ZNF618: variants seen among roughly 807,000 people sequenced by gnomAD.
The protein encoded by ZNF618 is neural precursor cell expressed, developmentally down-regulated 10.
A neutral mutation model predicts 103.0 loss-of-function variants in ZNF618; 34 were observed. The ratio of observed to expected loss-of-function variants is 0.33; its 90% CI spans 0.25 to 0.44. The LOEUF is 0.44. Among genes scored for constraint, ZNF618 ranks in the 20% least tolerant of loss-of-function variants. ZNF618 has a pLI of 1.00. For synonymous variants in ZNF618, 551 were observed against 542.2 expected, an observed-to-expected ratio of 1.02 and a Z score of -0.23; for missense variants, 1,059 against 1,295.4, an observed-to-expected ratio of 0.82 and a Z score of 2.80.
intron 2 of ZNF618, among the ~76,000 whole-genome samples, chr9:113,971,637 C>G (rs1837976595): frequency 6.6e-6 from 1 of 152,176 alleles, no homozygotes; most frequent in South Asian, 2.1e-4. Context: ...ATGCATGAAT[C>G]TCTCCTACAC....
At chr9:113,976,300 G>A (rs1372077128) in intron 2 of ZNF618, among the ~76,000 whole-genome samples, 2 of 152,180 alleles carry the variant, frequency 1.3e-5, no homozygotes, top group Admixed American at 1.3e-4. Flanking sequence ...AAGTAAGAAA[G>A]TTCTTCTTGT....
At chr9:113,877,342 G>T (rs934926248) in intron 1 of ZNF618, among the ~76,000 whole-genome samples, 1 of 152,066 alleles carries the variant, frequency 6.6e-6, no homozygotes, top group Non-Finnish European at 1.5e-5. Flanking sequence ...TGAGAGAATT[G>T]GCTTTATGAA....
intron 1 of ZNF618, among the ~76,000 whole-genome samples, chr9:113,881,636 G>A (rs1262377489): frequency 6.6e-6 from 1 of 152,142 alleles, no homozygotes; most frequent in Non-Finnish European, 1.5e-5. Flanking sequence ...GTGGCTGGTG[G>A]CTACTATATT....
chr9:114,054,939 C>A lies in ZNF618; in HGVS notation c.*4772C>A, dbSNP rs1207496127. 1.5e-5 allele frequency: 2 copies of A among 136,778 alleles called. No individual in the cohort carries two copies. The highest frequency in any genetic ancestry group is 3.2e-5 in the Non-Finnish European group (2 of 63,066). The allele number at this position is 136,778 out of a possible 1,614,324, so 8.5% of individuals were successfully genotyped here. A position where few individuals can be genotyped will look rare whatever the true frequency, so the allele number is the denominator to read the frequency against. ...ATATTCATGCCCCGTCCCTTCCCCC[C>A]CCACCCCCCCGCCCACCCACCACGG... On this transcript the variant is annotated 3_prime_UTR_variant, in exon 15 of 15. Coordinates refer to ENST00000374126, the MANE Select transcript of ZNF618 (RefSeq NM_001318042.2).
intron 13 of ZNF618, among the ~76,000 whole-genome samples, chr9:114,045,693 C>G (rs1845594261): frequency 2.6e-5 from 4 of 152,056 alleles, no homozygotes; most frequent in Admixed American, 2.6e-4. Flanking sequence ...TTTGGCTATT[C>G]TGTATCTCTT....
rs1003160084 is a variant in ZNF618, at chr9:113,890,290, C to T, written c.33+13877C>T. Among the ~76,000 whole-genome samples the T allele has an allele frequency of 4.7e-4, 71 of 152,088 alleles. 1 individual carries two copies. Among genetic ancestry groups the T allele is most frequent in the African/African-American group, 1.3e-3 (55 of 41,414 alleles). On this transcript the variant is annotated intron_variant, in intron 1 of 14. Transcript: ENST00000374126. The stretch of plus-strand genomic sequence containing the variant: ...AAATCACCTGAAATGCCGAGATAAC[C>T]GCCCTTCACATTTTGATGAGCATTA...
At position 114,007,219 on chromosome 9, in the gene ZNF618, G is replaced by C. The variant is rs1841831333; in HGVS notation, c.551-131G>C. 3 of 717,394 alleles carry C rather than the reference G, an allele frequency of 4.2e-6. No individual in the cohort carries two copies. In the Admixed American group the frequency reaches 7.9e-5, roughly 19 times the overall value. The allele number at this position is 717,394 out of a possible 1,614,324, so 44.4% of individuals were successfully genotyped here. A position where few individuals can be genotyped will look rare whatever the true frequency, so the allele number is the denominator to read the frequency against. ...CAGTTTCCTCATGTGTAAAATGAGAGACTGCTTCCTCCCTCCGCTAGCCAG... is the reference window on the plus strand; with the variant it reads ...CAGTTTCCTCATGTGTAAAATGAGACACTGCTTCCTCCCTCCGCTAGCCAG... On this transcript the variant is annotated intron_variant, in intron 6 of 14. Transcript: ENST00000374126.
rs372714690 is a variant in ZNF618, at chr9:113,886,487, A to AT, written c.33+10084dup. 9.0e-3 allele frequency among the ~76,000 whole-genome samples: 1,355 copies of AT among 151,178 alleles called. 23 individuals carry two copies. Among genetic ancestry groups the AT allele is most frequent in the African/African-American group, 0.031 (1,280 of 41,258 alleles). Reference sequence around the variant, plus strand: ...CGAAGACATTTTTGGATGTTGGGGAATTTTTTTTTTCCTTAATTTCATCAA... The same window carrying AT: ...CGAAGACATTTTTGGATGTTGGGGAATTTTTTTTTTTCCTTAATTTCATCAA... On this transcript the variant is annotated intron_variant, in intron 1 of 14. Transcript: ENST00000374126.
intron 1 of ZNF618, among the ~76,000 whole-genome samples, chr9:113,933,406 G>C (rs1833771570): frequency 6.6e-6 from 1 of 152,190 alleles, no homozygotes; most frequent in Non-Finnish European, 1.5e-5. Context: ...TCGGGTCCAA[G>C]CCAAGAGAAA....
chr9:113,923,772 G>T (rs1832847113), intron 1 of ZNF618, among the ~76,000 whole-genome samples: 1 of 151,972 alleles, frequency 6.6e-6, no homozygotes. Context: ...TCTGGTTTTG[G>T]TACAGATTGA....
At chr9:113,947,118 G>A (rs567169749) in intron 1 of ZNF618, among the ~76,000 whole-genome samples, 1 of 152,184 alleles carries the variant, frequency 6.6e-6, no homozygotes, top group African/African-American at 2.4e-5. Flanking sequence ...CTGCAGAGGA[G>A]GGGCTCAGGG....
In ZNF618 at chr9:114,016,743, A is replaced by G; in HGVS notation, c.803A>G (p.Tyr268Cys). The G allele has an allele frequency of 6.2e-7, 1 of 1,613,786 alleles. No homozygotes were observed. Reference sequence around the variant, plus strand: ...TTCTGCGGCAAACAGTACAAGTACTACACTCCCTACCAGGAGCATGTGGCC... The same window carrying G: ...TTCTGCGGCAAACAGTACAAGTACTGCACTCCCTACCAGGAGCATGTGGCC... ...CEFCGKQYKY[Y>C]TPYQEHVALH... The change falls in exon 10 of 15, where the codon TAC becomes TGC. Residue 268 changes from tyrosine to cysteine, a missense_variant. By Grantham distance (194) the Tyr-to-Cys change is radical. Coordinates refer to ENST00000374126, the MANE Select transcript of ZNF618 (RefSeq NM_001318042.2).
chr9:113,927,044 C>T (rs988860888), intron 1 of ZNF618, among the ~76,000 whole-genome samples: 3 of 152,124 alleles, frequency 2.0e-5, no homozygotes, highest in East Asian at 3.9e-4. Flanking sequence ...AAATAAATTC[C>T]CAAGTCTATG....
intron 1 of ZNF618, 90 bp from the exon 2 acceptor site, chr9:113,969,027 G>A: frequency 7.0e-7 from 1 of 1,427,590 alleles, no homozygotes; most frequent in Non-Finnish European, 9.9e-7. Context: ...TGTGAAGGCT[G>A]GTATTCAGTG....
chr9:114,003,347 A>G (rs533977292), intron 6 of ZNF618, among the ~76,000 whole-genome samples: 198 of 152,378 alleles, frequency 1.3e-3, no homozygotes, highest in Non-Finnish European at 2.0e-3. Flanking sequence ...CTGAAGCTTC[A>G]GAAGTCACAG....
At chr9:113,984,324 G>A (rs1359138189) in intron 2 of ZNF618, among the ~76,000 whole-genome samples, 1 of 152,206 alleles carries the variant, frequency 6.6e-6, no homozygotes, top group East Asian at 1.9e-4. Flanking sequence ...CAGAGGTGAG[G>A]ATGTCATCAT....
intron 9 of ZNF618, among the ~76,000 whole-genome samples, chr9:114,011,469 C>T (rs10817555): frequency 2.0e-5 from 3 of 152,050 alleles, no homozygotes; most frequent in Middle Eastern, 3.2e-3. Context: ...TGGCTGCCAG[C>T]GTGCTCCCAG....
chr9:114,048,761 G>A lies in ZNF618; in HGVS notation c.1459G>A (p.Val487Ile). The A allele has an allele frequency of 6.2e-7, 1 of 1,614,058 alleles. No homozygotes were observed. Among genetic ancestry groups the A allele is most frequent in the Non-Finnish European group, 8.5e-7 (1 of 1,179,902 alleles). ...TGCCGACCTGGGTGCACTGAGCGTG[G>A]TCAGCGGGAAGGAGTTCCTGAAGTT... ...MCADLGALSVVSGKEFLKLAQ... is the reference protein window; with the variant it reads ...MCADLGALSVISGKEFLKLAQ... The change falls in exon 15 of 15, where the codon GTC (valine) becomes ATC (isoleucine). Residue 487 changes from valine to isoleucine, a missense_variant. Coordinates refer to ENST00000374126, the MANE Select transcript of ZNF618 (RefSeq NM_001318042.2).
intron 4 of ZNF618, among the ~76,000 whole-genome samples, chr9:113,999,790 A>G (rs1159899745): frequency 6.6e-6 from 1 of 152,102 alleles, no homozygotes; most frequent in Non-Finnish European, 1.5e-5. Flanking sequence ...TCTGCTTCCT[A>G]TTAGATGGAG....
Sources: gnomAD v4.1 joint callset for allele counts (sites outside exome capture counted in the v4.1 genomes callset) on GRCh38, gnomAD v4.1.1 for gene constraint, MANE v1.5 for transcripts, NCBI Gene and HGNC (gene_info 2026-07-23, HGNC 2026-07-21) for gene names.